Variants in MYBL1 observed in about 807,000 individuals in gnomAD.
The protein encoded by MYBL1 is MYB proto-oncogene like 1, also known as myb-related protein A.
Under a neutral mutation model 96.3 loss-of-function variants are expected in MYBL1, and 17 were observed. The ratio of observed to expected loss-of-function variants is 0.18; its 90% CI spans 0.12 to 0.26. The LOEUF is 0.26. MYBL1 is among the 10% of genes least tolerant of loss of function. MYBL1 has a pLI of 1.00. For synonymous variants in MYBL1, 282 were observed against 292.7 expected (o/e 0.96, Z 0.37); for missense variants, 701 against 882.9 (o/e 0.79, Z 2.61).
intron 1 of MYBL1, among the ~76,000 whole-genome samples, chr8:66,610,070 C>T (rs1427350213): frequency 1.3e-5 from 2 of 151,950 alleles, no homozygotes; most frequent in African/African-American, 4.8e-5. Context: ...TGTAAATAAT[C>T]TGTTACTAGT....
At chr8:66,577,422 T>G (rs1445436524) in intron 9 of MYBL1, among the ~76,000 whole-genome samples, 1 of 149,122 alleles carries the variant, frequency 6.7e-6, no homozygotes, top group Non-Finnish European at 1.5e-5. Context: ...CAAGCATTCT[T>G]ATACACCAAT....
At chr8:66,577,617 T>A (rs1482647109) in intron 9 of MYBL1, among the ~76,000 whole-genome samples, 2 of 151,928 alleles carry the variant, frequency 1.3e-5, no homozygotes, top group African/African-American at 2.4e-5. Flanking sequence ...TGCTCATGGG[T>A]AGGAAGAATC....
Position 66,602,333 on chromosome 8 carries a change from G to T in MYBL1, c.126+85C>A, listed in dbSNP as rs140115561. On this transcript the variant is annotated intron_variant, in intron 2 of 15. Coordinates refer to ENST00000522677, the MANE Select transcript of MYBL1 (RefSeq NM_001080416.4). ...CCCAAAGGGCTGGGATTACAGGCGT[G>T]AGCCACCACACCTGGCCGTATAACT... 3.1e-3 allele frequency: 2,775 copies of T among 895,374 alleles called. 56 individuals are homozygous for T. The African/African-American group carries it at 0.039, about 13-fold the overall frequency. 55.5% of individuals were successfully genotyped at this position (895,374 alleles called of 1,614,324 possible). A position where few individuals can be genotyped will look rare whatever the true frequency, so the allele number is the denominator to read the frequency against.
chr8:66,591,021 A>G (rs541827747), intron 8 of MYBL1, among the ~76,000 whole-genome samples: 2 of 152,292 alleles, frequency 1.3e-5, no homozygotes, highest in African/African-American at 4.8e-5. Context: ...ATCACTGTGT[A>G]CCCCACGAAT....
At chr8:66,596,669 T>C (rs1586589316) in intron 5 of MYBL1, among the ~76,000 whole-genome samples, 1 of 152,284 alleles carries the variant, frequency 6.6e-6, no homozygotes, top group Admixed American at 6.5e-5. Flanking sequence ...TAAAGTACTA[T>C]ACAGATAGAG....
At chr8:66,606,850 G>A (rs1442002491) in intron 1 of MYBL1, among the ~76,000 whole-genome samples, 1 of 151,734 alleles carries the variant, frequency 6.6e-6, no homozygotes, top group Admixed American at 6.6e-5. Context: ...GAGTGCAGTG[G>A]CGCAATCTCG....
intron 10 of MYBL1, among the ~76,000 whole-genome samples, chr8:66,574,554 T>C (rs1469055807): frequency 6.6e-6 from 1 of 152,196 alleles, no homozygotes; most frequent in Non-Finnish European, 1.5e-5. Context: ...CCTCAAAATA[T>C]ACCTCCAATA....
rs545572940 is a variant in MYBL1, at chr8:66,566,348, G to T, written c.1951-105C>A. ...GGAAGCCCTGTTTATTTCCCTCCAA[G>T]AAAGCATTTGGCTCTGATGAAATTT... On this transcript the variant is annotated intron_variant, in intron 14 of 15. Coordinates refer to ENST00000522677, the MANE Select transcript of MYBL1 (RefSeq NM_001080416.4). 108 of 634,294 alleles carry T rather than the reference G, an allele frequency of 1.7e-4. No homozygotes were observed. The African/African-American group carries it at 1.9e-3, about 11-fold the overall frequency. 39.3% of individuals were successfully genotyped at this position (634,294 alleles called of 1,614,324 possible).
At chr8:66,589,955 T>C (rs1809572721) in intron 8 of MYBL1, among the ~76,000 whole-genome samples, 1 of 152,068 alleles carries the variant, frequency 6.6e-6, no homozygotes, top group Non-Finnish European at 1.5e-5. Context: ...ACACCTGTGG[T>C]CTTAGCTACC....
intron 1 of MYBL1, among the ~76,000 whole-genome samples, chr8:66,609,469 A>G (rs1026613141): frequency 4.6e-5 from 7 of 152,064 alleles, no homozygotes; most frequent in African/African-American, 1.7e-4. Flanking sequence ...GACAAGTCCA[A>G]TCATATTCAA....
intron 1 of MYBL1, among the ~76,000 whole-genome samples, chr8:66,606,454 G>T (rs1810315361): frequency 6.6e-6 from 1 of 152,050 alleles, no homozygotes; most frequent in African/African-American, 2.4e-5. Flanking sequence ...TTGAAGATTT[G>T]TTTAACCTTA....
chr8:66,608,646 T>C lies in MYBL1; in HGVS notation c.20+4173A>G, dbSNP rs112123097. On this transcript the variant is annotated intron_variant, in intron 1 of 15. Transcript: ENST00000522677. The stretch of plus-strand genomic sequence containing the variant: ...ACCATTTAACAGTGAAAAAGTCCCA[T>C]CACTGAAAAATGGTTAGATATCATC... Among the ~76,000 whole-genome samples, 1,006 of 152,226 alleles carry C rather than the reference T, an allele frequency of 6.6e-3. 5 individuals are homozygous for C. Among genetic ancestry groups the C allele is most frequent in the Non-Finnish European group, 0.012 (791 of 67,934 alleles).
chr8:66,582,307 A>G (rs1364230559), intron 8 of MYBL1, among the ~76,000 whole-genome samples: 1 of 152,174 alleles, frequency 6.6e-6, no homozygotes, highest in Non-Finnish European at 1.5e-5. Flanking sequence ...TGTCACCTGT[A>G]AAGACACATA....
intron 12 of MYBL1, among the ~76,000 whole-genome samples, chr8:66,570,907 T>C (rs1407365179): frequency 2.0e-5 from 3 of 152,202 alleles, no homozygotes; most frequent in African/African-American, 4.8e-5. Context: ...AAAGGAAATA[T>C]GATTGTTCAC....
At chr8:66,584,848 T>C (rs1304460453) in intron 8 of MYBL1, among the ~76,000 whole-genome samples, 1 of 151,844 alleles carries the variant, frequency 6.6e-6, no homozygotes, top group Admixed American at 6.6e-5. Flanking sequence ...AAAAGATTTC[T>C]ACAAGAAAAA....
intron 8 of MYBL1, among the ~76,000 whole-genome samples, chr8:66,585,371 TTTTG>T (rs1247689687): frequency 2.0e-5 from 3 of 152,188 alleles, no homozygotes; most frequent in Admixed American, 6.5e-5. Flanking sequence ...AAACCTCCTT[TTTTG>T]TGAAAGAAGA....
At position 66,573,433 on chromosome 8, in the gene MYBL1, C is replaced by G. The variant is rs779018226; in HGVS notation, c.1544G>C (p.Gly515Ala). ...NPSFTSTPIC[G>A]QKALITTPLH... is the part of the protein sequence containing the mutation. ...AGGAGTTGTAATGAGAGCTTTCTGCCCACAAATAGGGGTTGATGTAAATGA... is the reference window on the plus strand; with the variant it reads ...AGGAGTTGTAATGAGAGCTTTCTGCGCACAAATAGGGGTTGATGTAAATGA... The change falls in exon 11 of 16, where the codon GGG becomes GCG. Residue 515 changes from glycine (G) to alanine (A), a missense_variant. Physicochemically the swap from Gly to Ala is moderately conservative, Grantham distance 60 (BLOSUM62 0). Coordinates refer to ENST00000522677, the MANE Select transcript of MYBL1 (RefSeq NM_001080416.4). 2.4e-5 allele frequency: 38 copies of G among 1,612,320 alleles called. No homozygotes were observed. The highest frequency in any genetic ancestry group is 9.9e-5 in the South Asian group (9 of 90,756).
chr8:66,607,799 G>T (rs974036949), intron 1 of MYBL1, among the ~76,000 whole-genome samples: 1 of 151,862 alleles, frequency 6.6e-6, no homozygotes, highest in Non-Finnish European at 1.5e-5. Flanking sequence ...TTATTTGAAG[G>T]TATCTACTGT....
chr8:66,593,905 G>C (rs199723018), intron 6 of MYBL1, among the ~76,000 whole-genome samples: 73 of 152,206 alleles, frequency 4.8e-4, no homozygotes, highest in African/African-American at 1.6e-3. Flanking sequence ...GGAGGCTGAG[G>C]GGGTATGGTC....
Sources: gnomAD v4.1 joint callset for allele counts (sites outside exome capture counted in the v4.1 genomes callset) on GRCh38, gnomAD v4.1.1 for gene constraint, MANE v1.5 for transcripts, NCBI Gene and HGNC (gene_info 2026-07-23, HGNC 2026-07-21) for gene names.